ABLIM2: variants seen among roughly 807,000 people sequenced by gnomAD.
The protein encoded by ABLIM2 is actin-binding LIM protein 2.
In ABLIM2, 53 loss-of-function variants were observed where a neutral mutation model predicts 97.7. The ratio of observed to expected loss-of-function variants is 0.54; its 90% CI spans 0.44 to 0.68. The LOEUF (loss-of-function observed/expected upper bound fraction) is 0.68. Among genes scored for constraint, ABLIM2 ranks in the 30% least tolerant of loss-of-function variants. ABLIM2 has a pLI of 0.00. For synonymous variants in ABLIM2, 361 were observed against 345.8 expected, an observed-to-expected ratio of 1.04 and a Z score of -0.49; for missense variants, 835 against 867.2, an observed-to-expected ratio of 0.96 and a Z score of 0.47.
At chr4:8,000,708 C>G (rs558670906) in intron 16 of ABLIM2, among the ~76,000 whole-genome samples, 2 of 152,208 alleles carry the variant, frequency 1.3e-5, no homozygotes, top group East Asian at 3.9e-4. Flanking sequence ...GAGCTGTCCC[C>G]GGAGGCTTTG....
rs184612156 is a variant in ABLIM2 at position 8,128,295 on chromosome 4, C to A, written c.11-21658G>T. 6.6e-6 allele frequency among the ~76,000 whole-genome samples: 1 copy of A among 152,118 alleles called. No individual in the cohort carries two copies. On this transcript the variant is annotated intron_variant, in intron 1 of 20. Transcript: ENST00000447017. This position sits in a 1 kb window ranked among gnomAD's most constrained non-coding sequence, Gnocchi z 4.9. ...TCTCCATCTTTACCATAATTACATA[C>A]GGAAACACCCAAACAAGGTCACATT... is the stretch of plus-strand genomic sequence containing the variant.
Position 8,019,493 on chromosome 4 carries a change from G to T in ABLIM2, c.1423+125C>A. 2.3e-6 allele frequency: 2 copies of T among 872,210 alleles called. No homozygotes were observed. The highest frequency in any genetic ancestry group is 3.5e-6 in the Non-Finnish European group (2 of 571,008). The allele number at this position is 872,210 out of a possible 1,614,324, so 54.0% of individuals were successfully genotyped here. ...TGAATTTGCATTTAATAGTCAGACT[G>T]CTAAGGGCCTTGGTGGTGCCTTCAC... On this transcript the variant is annotated intron_variant, in intron 14 of 20. Transcript: ENST00000447017. This position sits in a 1 kb window ranked among gnomAD's most constrained non-coding sequence, Gnocchi z 4.3.
intron 7 of ABLIM2, among the ~76,000 whole-genome samples, chr4:8,056,536 A>T (rs1367675036): frequency 6.6e-6 from 1 of 151,898 alleles, no homozygotes; most frequent in Non-Finnish European, 1.5e-5. Flanking sequence ...CCTGGGCTCA[A>T]GCAATCTGCC....
At chr4:8,028,233 G>A (rs1385826883) in intron 11 of ABLIM2, among the ~76,000 whole-genome samples, 2 of 152,206 alleles carry the variant, frequency 1.3e-5, no homozygotes, top group Admixed American at 6.5e-5. Flanking sequence ...CTCGTCCGGC[G>A]AGATGCAAGC....
In ABLIM2 at chr4:8,032,465, G is replaced by A. The variant is rs541610172; in HGVS notation, c.1048-2689C>T. On this transcript the variant is annotated intron_variant, in intron 10 of 20. Coordinates refer to ENST00000447017, the MANE Select transcript of ABLIM2 (RefSeq NM_001130083.2). The surrounding 1 kb of genome is among the most constrained non-coding windows in gnomAD (Gnocchi z 4.3). Reference sequence around the variant, plus strand: ...ACATATCGGGGAGGCATGCAAGTGCGGGGTGATCATAAAAATAACCAGCAG... The same window carrying A: ...ACATATCGGGGAGGCATGCAAGTGCAGGGTGATCATAAAAATAACCAGCAG... Among the ~76,000 whole-genome samples, 49 of 152,270 alleles carry A rather than the reference G, an allele frequency of 3.2e-4. No individual in the cohort carries two copies. The highest frequency in any genetic ancestry group is 1.1e-3 in the African/African-American group (45 of 41,552).
At chr4:8,063,345 G>T (rs1427319508) in intron 6 of ABLIM2, among the ~76,000 whole-genome samples, 3 of 152,212 alleles carry the variant, frequency 2.0e-5, no homozygotes, top group Admixed American at 1.3e-4. Flanking sequence ...GATTATAGGC[G>T]TGAGCCACCG....
intron 1 of ABLIM2, among the ~76,000 whole-genome samples, chr4:8,136,332 G>T (rs927390599): frequency 3.9e-5 from 6 of 152,226 alleles, no homozygotes; most frequent in Admixed American, 1.3e-4. Context: ...GGGAAGATGA[G>T]AGGGTCCTGT....
rs1021041137 is a variant in ABLIM2, at chr4:8,150,081, T to C, written c.10+8599A>G. Among the ~76,000 whole-genome samples the C allele has an allele frequency of 1.3e-5, 2 of 151,784 alleles. No individual in the cohort carries two copies. Among genetic ancestry groups the C allele is most frequent in the Non-Finnish European group, 2.9e-5 (2 of 67,960 alleles). Reference sequence around the variant, plus strand: ...ACTCAGGGAGCCTAAATGGAGAGAGTTGTGGGGCAAAGGGGTTGGAACATC... The same window carrying C: ...ACTCAGGGAGCCTAAATGGAGAGAGCTGTGGGGCAAAGGGGTTGGAACATC... On this transcript the variant is annotated intron_variant, in intron 1 of 20. Coordinates refer to ENST00000447017, the MANE Select transcript of ABLIM2 (RefSeq NM_001130083.2). This position sits in a 1 kb window ranked among gnomAD's most constrained non-coding sequence, Gnocchi z 6.3.
chr4:8,023,587 G>A lies in ABLIM2; in HGVS notation c.1268-3284C>T, dbSNP rs1775407411. Among the ~76,000 whole-genome samples the A allele has an allele frequency of 6.6e-6, 1 of 152,130 alleles. No homozygotes were observed. The highest frequency in any genetic ancestry group is 2.1e-4 in the South Asian group (1 of 4,816). ...CAGCCATGGTGGCCTGCTCCACGGT[G>A]GACTTGCTCCTTCTCTCCCCTCCCA... On this transcript the variant is annotated intron_variant, in intron 12 of 20. Coordinates refer to ENST00000447017, the MANE Select transcript of ABLIM2 (RefSeq NM_001130083.2). This position sits in a 1 kb window ranked among gnomAD's most constrained non-coding sequence, Gnocchi z 5.7.
chr4:8,073,876 T>C (rs527322112), intron 6 of ABLIM2, among the ~76,000 whole-genome samples: 1 of 148,148 alleles, frequency 6.8e-6, no homozygotes, highest in South Asian at 2.2e-4. Context: ...TCACCTGAGG[T>C]CGGGAGTTCG....
At chr4:8,070,031 T>A (rs1052507055) in intron 6 of ABLIM2, among the ~76,000 whole-genome samples, 3 of 152,148 alleles carry the variant, frequency 2.0e-5, no homozygotes, top group Non-Finnish European at 4.4e-5. Flanking sequence ...TGTGTGTCTA[T>A]GTGCTTTGTG....
intron 3 of ABLIM2, among the ~76,000 whole-genome samples, chr4:8,091,488 T>C (rs1827985435): frequency 1.5e-5 from 1 of 66,756 alleles, no homozygotes; most frequent in Non-Finnish European, 2.6e-5. Flanking sequence ...TAATATTTTA[T>C]ATTTTATATA....
At chr4:8,137,547 G>T (rs1209290975) in intron 1 of ABLIM2, among the ~76,000 whole-genome samples, 2 of 152,356 alleles carry the variant, frequency 1.3e-5, no homozygotes, top group African/African-American at 4.8e-5. Context: ...CCTCATGGGA[G>T]CCCCTAAGAG....
intron 1 of ABLIM2, among the ~76,000 whole-genome samples, chr4:8,121,263 G>T (rs1845296515): frequency 6.6e-6 from 1 of 152,238 alleles, no homozygotes; most frequent in Non-Finnish European, 1.5e-5. Context: ...CTTCCTTCCA[G>T]GGGCAGAGCT....
At position 8,130,294 on chromosome 4, in the gene ABLIM2, T is replaced by A. The variant is rs375978691; in HGVS notation, c.11-23657A>T. Among the ~76,000 whole-genome samples, 1 of 152,174 alleles carries A rather than the reference T, an allele frequency of 6.6e-6. No individual in the cohort carries two copies. On this transcript the variant is annotated intron_variant, in intron 1 of 20. Coordinates refer to ENST00000447017, the MANE Select transcript of ABLIM2 (RefSeq NM_001130083.2). The surrounding 1 kb of genome is among the most constrained non-coding windows in gnomAD (Gnocchi z 4.2). ...CTGTCACCAGTTCCGGGATGGCCCATGCTGGGAAACATCACGTTGCTTTGA... is the reference window on the plus strand; with the variant it reads ...CTGTCACCAGTTCCGGGATGGCCCAAGCTGGGAAACATCACGTTGCTTTGA...
intron 2 of ABLIM2, among the ~76,000 whole-genome samples, chr4:8,102,796 G>A (rs926323318): frequency 6.6e-6 from 1 of 152,218 alleles, no homozygotes; most frequent in African/African-American, 2.4e-5. Flanking sequence ...GGCTCAACTG[G>A]TAATGTGCCC....
rs1276898075 is a variant in ABLIM2, at chr4:8,085,185, A to G, written c.454+2984T>C. On this transcript the variant is annotated intron_variant, in intron 4 of 20. Coordinates refer to ENST00000447017, the MANE Select transcript of ABLIM2 (RefSeq NM_001130083.2). This position sits in a 1 kb window ranked among gnomAD's most constrained non-coding sequence, Gnocchi z 6.1. The stretch of plus-strand genomic sequence containing the variant: ...GGGACTCAAGCTTGAGCTCTGCCTC[A>G]AGAGCCAGCCACTCTCCCCTCCCCA... Among the ~76,000 whole-genome samples the G allele has an allele frequency of 6.6e-6, 1 of 151,946 alleles. No homozygotes were observed. The highest frequency in any genetic ancestry group is 1.5e-5 in the Non-Finnish European group (1 of 67,952).
At position 8,155,071 on chromosome 4, in the gene ABLIM2, C is replaced by T. The variant is rs1260999112; in HGVS notation, c.10+3609G>A. Among the ~76,000 whole-genome samples, 2 of 152,186 alleles carry T rather than the reference C, an allele frequency of 1.3e-5. No homozygotes were observed. The highest frequency in any genetic ancestry group is 2.4e-5 in the African/African-American group (1 of 41,438). The stretch of plus-strand genomic sequence containing the variant: ...TCTCCACCTGGCCCTGCCCTTGACA[C>T]GTGGGGATTATTACAACTCAAGGTA... On this transcript the variant is annotated intron_variant, in intron 1 of 20. Coordinates refer to ENST00000447017, the MANE Select transcript of ABLIM2 (RefSeq NM_001130083.2). The surrounding 1 kb of genome is among the most constrained non-coding windows in gnomAD (Gnocchi z 4.2).
At position 7,999,460 on chromosome 4, in the gene ABLIM2, T is replaced by A. The variant is rs1274736517; in HGVS notation, c.1619-6533A>T. Among the ~76,000 whole-genome samples, 1 of 152,218 alleles carries A rather than the reference T, an allele frequency of 6.6e-6. No individual in the cohort carries two copies. The highest frequency in any genetic ancestry group is 1.5e-5 in the Non-Finnish European group (1 of 68,036). On this transcript the variant is annotated intron_variant, in intron 16 of 20. Transcript: ENST00000447017. This position sits in a 1 kb window ranked among gnomAD's most constrained non-coding sequence, Gnocchi z 4.4. Reference sequence around the variant, plus strand: ...GAACCCATTTTACAGATGAGGAAGCTGAGACCTAATGATATCAAGCGATCT... The same window carrying A: ...GAACCCATTTTACAGATGAGGAAGCAGAGACCTAATGATATCAAGCGATCT...
Sources: gnomAD v4.1 joint callset for allele counts (sites outside exome capture counted in the v4.1 genomes callset) on GRCh38, gnomAD v4.1.1 for gene constraint, Gnocchi (gnomAD v3.1) non-coding constraint, MANE v1.5 for transcripts, NCBI Gene and HGNC (gene_info 2026-07-23, HGNC 2026-07-21) for gene names.